STAG1: variants seen among roughly 807,000 people sequenced by gnomAD.
STAG1 encodes cohesin subunit SA-1.
STAG1 carries 26 observed loss-of-function variants against 170.9 expected under a neutral mutation model. That is an observed-to-expected ratio of 0.15 (90% CI 0.11 to 0.21). The LOEUF (loss-of-function observed/expected upper bound fraction) is 0.21. STAG1 is among the 10% of genes least tolerant of loss of function. STAG1 has a pLI of 1.00. For synonymous variants in STAG1, 514 were observed against 497.7 expected (o/e 1.03, Z -0.44); for missense variants, 964 against 1,509.5 (o/e 0.64, Z 5.99).
chr3:136,359,124 TA>T, intron 27 of STAG1, 23 bp downstream of exon 27: 1 of 1,573,204 alleles, frequency 6.4e-7, no homozygotes, highest in Non-Finnish European at 8.7e-7. Context: ...AGATTCTGCA[TA>T]ACAAAGTGTT....
chr3:136,454,007 A>G (rs1207336381), intron 13 of STAG1, among the ~76,000 whole-genome samples: 1 of 152,238 alleles, frequency 6.6e-6, no homozygotes, highest in East Asian at 1.9e-4. Context: ...TATAGCTGTC[A>G]TTTAAGAGAA....
chr3:136,633,438 C>T (rs1047189891), intron 1 of STAG1, among the ~76,000 whole-genome samples: 2 of 152,082 alleles, frequency 1.3e-5, no homozygotes, highest in Non-Finnish European at 1.5e-5. Context: ...TGGTGGCTCA[C>T]GCCTGTAATC....
At chr3:136,426,450 T>C (rs919553500) in intron 16 of STAG1, among the ~76,000 whole-genome samples, 5 of 152,172 alleles carry the variant, frequency 3.3e-5, no homozygotes, top group African/African-American at 4.8e-5. Flanking sequence ...AGACAAGCCA[T>C]GTAGCCTAGA....
chr3:136,574,406 C>T (rs1937379388), intron 4 of STAG1, among the ~76,000 whole-genome samples: 1 of 151,788 alleles, frequency 6.6e-6, no homozygotes, highest in African/African-American at 2.4e-5. Flanking sequence ...GTAACTATAA[C>T]AATAACAGGT....
intron 15 of STAG1, among the ~76,000 whole-genome samples, chr3:136,434,176 G>T (rs2088389636): frequency 6.6e-6 from 1 of 151,996 alleles, no homozygotes. Context: ...ATCATTAATA[G>T]ATATATATTT....
At chr3:136,559,948 A>C (rs574014590) in intron 5 of STAG1, among the ~76,000 whole-genome samples, 13 of 152,356 alleles carry the variant, frequency 8.5e-5, no homozygotes, top group African/African-American at 3.1e-4. Flanking sequence ...TCATTTTCTA[A>C]ATGGCTACTA....
At chr3:136,505,684 C>CT (rs1933722713) in intron 7 of STAG1, among the ~76,000 whole-genome samples, 1 of 152,152 alleles carries the variant, frequency 6.6e-6, no homozygotes, top group Admixed American at 6.5e-5. Context: ...AAACAACTTC[C>CT]TTTTGTGATT....
At chr3:136,741,640 G>T (rs1934676322) in intron 1 of STAG1, among the ~76,000 whole-genome samples, 1 of 152,056 alleles carries the variant, frequency 6.6e-6, no homozygotes, top group Non-Finnish European at 1.5e-5. Context: ...GGCTAATTTT[G>T]TATTTTTAGT....
At chr3:136,628,622 G>A (rs1227383026) in intron 2 of STAG1, among the ~76,000 whole-genome samples, 2 of 152,136 alleles carry the variant, frequency 1.3e-5, no homozygotes, top group East Asian at 1.9e-4. Context: ...TAGAAAAGTA[G>A]ACTAAACAAA....
chr3:136,423,490 T>G (rs1282312716), intron 16 of STAG1, among the ~76,000 whole-genome samples: 1 of 152,210 alleles, frequency 6.6e-6, no homozygotes, highest in Non-Finnish European at 1.5e-5. Context: ...CTGGATTCAT[T>G]TACATTTGAG....
At chr3:136,496,380 C>G (rs1051916520) in intron 9 of STAG1, among the ~76,000 whole-genome samples, 1 of 151,988 alleles carries the variant, frequency 6.6e-6, no homozygotes, top group Non-Finnish European at 1.5e-5. Context: ...ATCTATTCAC[C>G]AAGATAGAGT....
At position 136,574,241 on chromosome 3, in the gene STAG1, C is replaced by T. The variant is rs538078108; in HGVS notation, c.298-5380G>A. ...GGGTGACATGAGCGAAACTCTGTCC[C>T]CCCAAAAAAAAAACCCGACCACATA... On this transcript the variant is annotated intron_variant, in intron 4 of 33. Transcript: ENST00000383202. Among the ~76,000 whole-genome samples, 293 of 151,474 alleles carry T rather than the reference C, an allele frequency of 1.9e-3. 3 individuals carry two copies. Among genetic ancestry groups the T allele is most frequent in the African/African-American group, 5.5e-3 (227 of 41,322 alleles).
intron 1 of STAG1, among the ~76,000 whole-genome samples, chr3:136,733,879 G>A (rs1034130230): frequency 2.6e-5 from 4 of 152,114 alleles, no homozygotes; most frequent in East Asian, 1.9e-4. Context: ...AGGCCAAGGC[G>A]GGCGGATCAC....
intron 1 of STAG1, among the ~76,000 whole-genome samples, chr3:136,691,251 C>T (rs1294368078): frequency 4.0e-5 from 6 of 151,792 alleles, no homozygotes; most frequent in African/African-American, 2.4e-5. Context: ...CTGGCTGACA[C>T]GGTGAAACCC....
intron 4 of STAG1, among the ~76,000 whole-genome samples, chr3:136,602,179 G>T (rs1320978796): frequency 6.6e-6 from 1 of 151,962 alleles, no homozygotes; most frequent in East Asian, 1.9e-4. Flanking sequence ...AGGAGATCGA[G>T]ACCGTCCTGG....
chr3:136,523,908 C>T (rs540747646), intron 6 of STAG1, among the ~76,000 whole-genome samples: 23 of 151,788 alleles, frequency 1.5e-4, no homozygotes, highest in South Asian at 4.2e-4. Flanking sequence ...TAGTTGTAGA[C>T]GTGTGATATT....
intron 1 of STAG1, among the ~76,000 whole-genome samples, chr3:136,732,060 GC>G: frequency 6.6e-6 from 1 of 151,982 alleles, no homozygotes; most frequent in Non-Finnish European, 1.5e-5. Flanking sequence ...CAGCTATCTG[GC>G]CAAAGACACT....
intron 1 of STAG1, among the ~76,000 whole-genome samples, chr3:136,708,967 C>CTTTTTTTTTT (rs61595071): frequency 1.2e-5 from 1 of 86,064 alleles, no homozygotes; most frequent in Non-Finnish European, 2.1e-5. Flanking sequence ...CTGCAGCTGG[C>CTTTTTTTTTT]TTTTTTTTTT....
chr3:136,570,418 C>T (rs1162369936), intron 4 of STAG1, among the ~76,000 whole-genome samples: 1 of 152,128 alleles, frequency 6.6e-6, no homozygotes, highest in Non-Finnish European at 1.5e-5. Flanking sequence ...TATGAATATA[C>T]CACAATCTAT....
Sources: gnomAD v4.1 joint callset for allele counts (sites outside exome capture counted in the v4.1 genomes callset) on GRCh38, gnomAD v4.1.1 for gene constraint, MANE v1.5 for transcripts, NCBI Gene and HGNC (gene_info 2026-07-23, HGNC 2026-07-21) for gene names.